Variants in LSS observed in about 807,000 individuals in gnomAD.
LSS encodes the protein 2,3-epoxysqualene-lanosterol cyclase.
In LSS, 90 loss-of-function variants were observed where a neutral mutation model predicts 110.3. The ratio of observed to expected loss-of-function variants is 0.82; its 90% CI spans 0.69 to 0.97. The LOEUF is 0.97. Among genes scored for constraint, LSS ranks in the 50% least tolerant of loss-of-function variants. The pLI, the probability that LSS is intolerant of heterozygous loss-of-function variation, is 0.00. For synonymous variants in LSS, 433 were observed against 400.0 expected, an observed-to-expected ratio of 1.08 and a Z score of -0.98; for missense variants, 927 against 990.0, an observed-to-expected ratio of 0.94 and a Z score of 0.85.
intron 17 of LSS, among the ~76,000 whole-genome samples, chr21:46,205,064 C>G (rs931421329): frequency 6.6e-6 from 1 of 152,174 alleles, no homozygotes; most frequent in Non-Finnish European, 1.5e-5. Context: ...ATAACGTACC[C>G]TCTAACACAG....
rs1569011885 is a variant in LSS at position 46,189,778 on chromosome 21, GTGC to G, written c.*1323_*1325del. 1 of 455,554 alleles carries G rather than the reference GTGC, an allele frequency of 2.2e-6. No homozygotes were observed. The highest frequency in any genetic ancestry group is 4.4e-6 in the Non-Finnish European group (1 of 225,750). The allele number at this position is 455,554 out of a possible 1,614,324, so 28.2% of individuals were successfully genotyped here. Reference sequence around the variant, plus strand: ...AAGAGCAGATAAGGAGGTATAGGGTGTGCCCTGGGCAAGGCAGCAGGGGTAACG... The same window carrying G: ...AAGAGCAGATAAGGAGGTATAGGGTGCCTGGGCAAGGCAGCAGGGGTAACG... On this transcript the variant is annotated 3_prime_UTR_variant, in exon 22 of 22. Transcript: ENST00000397728.
intron 3 of LSS, among the ~76,000 whole-genome samples, chr21:46,223,821 T>C (rs1422183958): frequency 3.3e-5 from 5 of 152,186 alleles, no homozygotes; most frequent in Admixed American, 2.0e-4. Flanking sequence ...CTTGGTCTAG[T>C]GGTAACGCCA....
At chr21:46,191,330 G>C in intron 21 of LSS, 95 bp from the exon 22 acceptor site, 1 of 1,423,982 alleles carries the variant, frequency 7.0e-7, no homozygotes, top group South Asian at 1.2e-5. Context: ...TGGCTGGCTT[G>C]TGGGTGAGTC....
chr21:46,216,267 C>T lies in LSS; in HGVS notation c.783+122G>A. On this transcript the variant is annotated intron_variant, in intron 7 of 21. Transcript: ENST00000397728. This position sits in a 1 kb window ranked among gnomAD's most constrained non-coding sequence, Gnocchi z 4.2. ...GGAGGAAGGTGGAGGCTCTGCTCCACAGGGCTCTCCGCTCCACAGGGCCAC... is the reference window on the plus strand; with the variant it reads ...GGAGGAAGGTGGAGGCTCTGCTCCATAGGGCTCTCCGCTCCACAGGGCCAC... 1 of 1,258,812 alleles carries T rather than the reference C, an allele frequency of 7.9e-7. No homozygotes were observed. Among genetic ancestry groups the T allele is most frequent in the East Asian group, 2.3e-5 (1 of 42,970 alleles). The allele number at this position is 1,258,812 out of a possible 1,614,324, so 78.0% of individuals were successfully genotyped here.
chr21:46,195,087 G>A (rs185729285), intron 19 of LSS, among the ~76,000 whole-genome samples: 41 of 152,258 alleles, frequency 2.7e-4, no homozygotes, highest in Non-Finnish European at 4.3e-4. Flanking sequence ...GGCTGGGACC[G>A]GAGATCTCCT....
chr21:46,209,230 C>T lies in LSS; in HGVS notation c.1266+324G>A, dbSNP rs1424668846. Among the ~76,000 whole-genome samples, 5 of 152,106 alleles carry T rather than the reference C, an allele frequency of 3.3e-5. No individual in the cohort carries two copies. The highest frequency in any genetic ancestry group is 1.2e-4 in the African/African-American group (5 of 41,416). ...AGGTGCTTCAGAGACATGGAGGTGC[C>T]GTGTAGGCTGTGCAGCTCAGGGTAC... On this transcript the variant is annotated intron_variant, in intron 13 of 21. Transcript: ENST00000397728. This position sits in a 1 kb window ranked among gnomAD's most constrained non-coding sequence, Gnocchi z 4.4.
chr21:46,199,364 A>C (rs2079950220), intron 17 of LSS, among the ~76,000 whole-genome samples: 1 of 152,222 alleles, frequency 6.6e-6, no homozygotes, highest in African/African-American at 2.4e-5. Context: ...AAAACACAAC[A>C]GCAAATGCTG....
Position 46,207,562 on chromosome 21 carries a change from T to C in LSS, c.1333A>G (p.Ser445Gly). Residue 445 changes from serine (S) to glycine (G), a missense_variant, in exon 15 of 22, where the codon AGT becomes GGT. Physicochemically the swap from Ser to Gly is moderately conservative, Grantham distance 56. Coordinates refer to ENST00000397728, the MANE Select transcript of LSS (RefSeq NM_002340.6). ...RQMRKGGFSFSTLDCGWIVSD... is the reference protein window; with the variant it reads ...RQMRKGGFSFGTLDCGWIVSD... ...ACGATCCAGCCGCAGTCCAGCGTAC[T>C]GAAGGAGAAGCCACCCTGCAGAGCA... 6.2e-7 allele frequency: 1 copy of C among 1,608,312 alleles called. No individual in the cohort carries two copies. Among genetic ancestry groups the C allele is most frequent in the Non-Finnish European group, 8.5e-7 (1 of 1,177,978 alleles).
intron 17 of LSS, among the ~76,000 whole-genome samples, chr21:46,203,821 C>T (rs917165257): frequency 6.6e-6 from 1 of 152,204 alleles, no homozygotes; most frequent in African/African-American, 2.4e-5. Flanking sequence ...AACTCATGGG[C>T]CAGAGAAGAA....
rs531785700 is a variant in LSS at position 46,209,139 on chromosome 21, G to C, written c.1266+415C>G. On this transcript the variant is annotated intron_variant, in intron 13 of 21. Coordinates refer to ENST00000397728, the MANE Select transcript of LSS (RefSeq NM_002340.6). This position sits in a 1 kb window ranked among gnomAD's most constrained non-coding sequence, Gnocchi z 4.4. ...GGCAGCTGATCTGGCAGGAGGGACC[G>C]GGGCTTTTGCTGCAAACAGTCTCAG... is the stretch of plus-strand genomic sequence containing the variant. Among the ~76,000 whole-genome samples the C allele has an allele frequency of 4.6e-5, 7 of 152,264 alleles. No homozygotes were observed. Among genetic ancestry groups the C allele is most frequent in the Admixed American group, 4.6e-4 (7 of 15,296 alleles).
In LSS at chr21:46,213,875, C is replaced by A. The variant is rs9974665; in HGVS notation, c.1012-40G>T. 8 of 1,437,492 alleles carry A rather than the reference C, an allele frequency of 5.6e-6. No individual in the cohort carries two copies. In the South Asian group the frequency reaches 7.0e-5, roughly 13 times the overall value. 89.0% of individuals were successfully genotyped at this position (1,437,492 alleles called of 1,614,324 possible). On this transcript the variant is annotated intron_variant, in intron 9 of 21. Transcript: ENST00000397728. ...GCCCTGTCAAGGCTCCGCTCCAGAC[C>A]CACAGCAGCCTCCAGGGACAAGGTC...
rs138536867 is a variant in LSS, at chr21:46,218,588, C to A, written c.647+888G>T. On this transcript the variant is annotated intron_variant, in intron 6 of 21. Transcript: ENST00000397728. ...GCAGTGACCCCAAATCACGCCACTG[C>A]ACTCCAGCCTGAGTGACAAAGCTAG... 9.6e-4 allele frequency among the ~76,000 whole-genome samples: 146 copies of A among 152,222 alleles called. 1 individual carries two copies. In the East Asian group the frequency reaches 0.026, roughly 27 times the overall value.
rs747324797 is a variant in LSS at position 46,191,232 on chromosome 21, T to C, written c.2071A>G (p.Asn691Asp). 5 of 1,613,996 alleles carry C rather than the reference T, an allele frequency of 3.1e-6. No individual in the cohort carries two copies. The highest frequency in any genetic ancestry group is 4.2e-6 in the Non-Finnish European group (5 of 1,179,972). The change falls in exon 22 of 22, where the codon AAC becomes GAC. Residue 691 changes from asparagine to aspartate, a missense_variant. Asn to Asp is a conservative substitution (Grantham distance 23, BLOSUM62 1). Transcript: ENST00000397728. The part of the protein sequence containing the change: ...QLPNGDWPQE[N>D]IAGVFNKSCA... Reference sequence around the variant, plus strand: ...GACTTGTTGAAGACCCCAGCAATGTTTTCCTAAAAGAACACAGAGAAATAA... The same window carrying C: ...GACTTGTTGAAGACCCCAGCAATGTCTTCCTAAAAGAACACAGAGAAATAA...
rs1403832806 is a variant in LSS, at chr21:46,207,414, GACCACAGCCTT to G, written c.1467+3_1467+13del. 5 of 1,610,538 alleles carry G rather than the reference GACCACAGCCTT, an allele frequency of 3.1e-6. No individual in the cohort carries two copies. The highest frequency in any genetic ancestry group is 4.2e-6 in the Non-Finnish European group (5 of 1,179,174). On this transcript the variant is annotated splice_donor_5th_base_variant and intron_variant, in intron 15 of 21. Transcript: ENST00000397728. The stretch of plus-strand genomic sequence containing the variant: ...CACGAGGTATGGACGGGGCTGCTGG[GACCACAGCCTT>G]ACCACAGCCACAGCATCGCAGAGCC...
chr21:46,215,071 A>ACCAGGCTCCAGGAAACCCCACTC, intron 9 of LSS, 109 bp downstream of exon 9: 4 of 868,668 alleles, frequency 4.6e-6, no homozygotes, highest in Non-Finnish European at 7.5e-6. Context: ...ATGGAGGTAC[A>ACCAGGCTCCAGGAAACCCCACTC]CCAGGCTCCA....
At chr21:46,198,608 G>C (rs2123704615) in intron 17 of LSS, among the ~76,000 whole-genome samples, 1 of 152,256 alleles carries the variant, frequency 6.6e-6, no homozygotes, top group African/African-American at 2.4e-5. Flanking sequence ...AGTGAGAACA[G>C]GGGCGGTAAC....
intron 17 of LSS, among the ~76,000 whole-genome samples, chr21:46,197,976 G>A (rs1297426972): frequency 6.6e-6 from 1 of 151,584 alleles, no homozygotes; most frequent in South Asian, 2.1e-4. Flanking sequence ...GAAATACAAA[G>A]GTGTCTTAAC....
At chr21:46,215,018 A>G (rs1199546468) in intron 9 of LSS, among the ~76,000 whole-genome samples, 162 bp downstream of exon 9, 1 of 152,076 alleles carries the variant, frequency 6.6e-6, no homozygotes. Flanking sequence ...GGTCCAGGAC[A>G]GAAGCCCTCA....
At chr21:46,195,123 C>T (rs1043103391) in intron 19 of LSS, among the ~76,000 whole-genome samples, 11 of 152,176 alleles carry the variant, frequency 7.2e-5, no homozygotes, top group South Asian at 4.1e-4. Flanking sequence ...CCAGCGAGGC[C>T]GTGGACCCTA....
Sources: gnomAD v4.1 joint callset for allele counts (sites outside exome capture counted in the v4.1 genomes callset) on GRCh38, gnomAD v4.1.1 for gene constraint, Gnocchi (gnomAD v3.1) non-coding constraint, MANE v1.5 for transcripts, NCBI Gene and HGNC (gene_info 2026-07-23, HGNC 2026-07-21) for gene names.